The following SORCS2 variants were observed in gnomAD, a reference collection of about 807,000 sequenced individuals.
SORCS2 encodes VPS10 domain-containing receptor SorCS2.
Under a neutral mutation model 141.6 loss-of-function variants are expected in SORCS2, and 100 were observed. That is an observed-to-expected ratio of 0.71 (90% CI 0.60 to 0.83). SORCS2 has a LOEUF of 0.83. Ranked by LOEUF, SORCS2 falls within the 40% of genes least tolerant of loss-of-function variation. The pLI, the probability that SORCS2 is intolerant of heterozygous loss-of-function variation, is 0.00. For synonymous variants in SORCS2, 789 were observed against 676.9 expected, an observed-to-expected ratio of 1.17 and a Z score of -2.57; for missense variants, 1,646 against 1,560.2, an observed-to-expected ratio of 1.05 and a Z score of -0.93.
intron 1 of SORCS2, among the ~76,000 whole-genome samples, chr4:7,350,053 A>G (rs190832199): frequency 4.6e-5 from 7 of 152,234 alleles, no homozygotes. Flanking sequence ...GCCATGAACG[A>G]AAAGTAGTGT....
At chr4:7,314,800 GTTTTTTTTTTTTTTTTT>G (rs397880294) in intron 1 of SORCS2, among the ~76,000 whole-genome samples, 1 of 109,832 alleles carries the variant, frequency 9.1e-6, no homozygotes, top group African/African-American at 3.4e-5. Flanking sequence ...CCACTGTTCT[GTTTTTTTTTTTTTTTTT>G]TTTTTTTTTT....
chr4:7,357,331 A>G (rs1331447032), intron 1 of SORCS2, among the ~76,000 whole-genome samples: 2 of 152,204 alleles, frequency 1.3e-5, no homozygotes, highest in African/African-American at 4.8e-5. Flanking sequence ...GTGGTTCCTA[A>G]TCCCAGATGT....
intron 14 of SORCS2, 145 bp from the exon 15 acceptor site, chr4:7,712,588 G>A (rs1248764051): frequency 8.9e-6 from 11 of 1,233,334 alleles, no homozygotes; most frequent in South Asian, 5.7e-5. Flanking sequence ...GGGCAGCCTC[G>A]CTCTGATCTC....
At chr4:7,542,884 G>A (rs1361688641) in intron 3 of SORCS2, among the ~76,000 whole-genome samples, 3 of 152,174 alleles carry the variant, frequency 2.0e-5, no homozygotes, top group Non-Finnish European at 2.9e-5. Flanking sequence ...CTCCACCCAC[G>A]CTTCCTCTTC....
intron 2 of SORCS2, among the ~76,000 whole-genome samples, chr4:7,483,647 CCCA>C (rs1377193426): frequency 2.6e-5 from 4 of 152,070 alleles, no homozygotes; most frequent in African/African-American, 9.7e-5. Flanking sequence ...GCCAGCAATG[CCCA>C]CGTGTCTTCC....
chr4:7,462,754 G>A (rs146805416), intron 2 of SORCS2, among the ~76,000 whole-genome samples: 7 of 151,640 alleles, frequency 4.6e-5, no homozygotes, highest in African/African-American at 7.2e-5. Flanking sequence ...CCCTGTGCAC[G>A]GAAGAAGCCG....
chr4:7,239,838 G>T (rs144345483), intron 1 of SORCS2, among the ~76,000 whole-genome samples: 289 of 152,344 alleles, frequency 1.9e-3, no homozygotes, highest in African/African-American at 6.3e-3. Flanking sequence ...AAAAGCCCAA[G>T]AATTTGTCAA....
chr4:7,389,824 C>T (rs1341781816), intron 1 of SORCS2, among the ~76,000 whole-genome samples: 1 of 152,146 alleles, frequency 6.6e-6, no homozygotes, highest in Non-Finnish European at 1.5e-5. Context: ...GTTTGGAGTG[C>T]AGTCCGCGGT....
intron 1 of SORCS2, among the ~76,000 whole-genome samples, chr4:7,339,640 C>T (rs1441331097): frequency 1.3e-5 from 2 of 152,200 alleles, no homozygotes; most frequent in African/African-American, 4.8e-5. Flanking sequence ...ATATTGGGCT[C>T]ACCAAATGAC....
At chr4:7,540,119 TCCCTCCCTGCTATGAGGGCCCTGC>T (rs1253901648) in intron 3 of SORCS2, among the ~76,000 whole-genome samples, 1 of 27,926 alleles carries the variant, frequency 3.6e-5, no homozygotes, top group South Asian at 1.2e-3. Context: ...GGGGCCCCAC[TCCCTCCCTGCTATGAGGGCCCTGC>T]CCCTCCCCGC....
chr4:7,382,821 G>A (rs1308936513), intron 1 of SORCS2, among the ~76,000 whole-genome samples: 1 of 152,154 alleles, frequency 6.6e-6, no homozygotes, highest in Non-Finnish European at 1.5e-5. Flanking sequence ...GGTGTAAACA[G>A]CTGCGGGGCC....
rs775612109 is a variant in SORCS2 at position 7,392,740 on chromosome 4, G to T, written c.481-3548G>T. On this transcript the variant is annotated intron_variant, in intron 1 of 26. Transcript: ENST00000507866. ...TGCTTAGGAGGCAGGCATCACAGAG[G>T]GGGGAGGGCAGCAATGAAGTGCAAA... Among the ~76,000 whole-genome samples, 10 of 152,142 alleles carry T rather than the reference G, an allele frequency of 6.6e-5. No individual in the cohort carries two copies. In the South Asian group the frequency reaches 1.5e-3, roughly 22 times the overall value.
chr4:7,377,611 G>A (rs1400106867), intron 1 of SORCS2, among the ~76,000 whole-genome samples: 1 of 152,228 alleles, frequency 6.6e-6, no homozygotes, highest in Non-Finnish European at 1.5e-5. Flanking sequence ...AGTTGATGGA[G>A]ATGGCTCTGT....
chr4:7,413,465 C>G (rs945441232), intron 2 of SORCS2, among the ~76,000 whole-genome samples: 3 of 125,154 alleles, frequency 2.4e-5, no homozygotes, highest in African/African-American at 5.9e-5. Flanking sequence ...GTGATCTTGG[C>G]TCACTGCAAC....
At chr4:7,654,800 CA>C (rs1300665837) in intron 5 of SORCS2, among the ~76,000 whole-genome samples, 1 of 152,220 alleles carries the variant, frequency 6.6e-6, no homozygotes, top group African/African-American at 2.4e-5. Flanking sequence ...GACAAGCCCC[CA>C]CCCTGGCCTC....
At chr4:7,461,731 G>T (rs957470909) in intron 2 of SORCS2, among the ~76,000 whole-genome samples, 2 of 152,208 alleles carry the variant, frequency 1.3e-5, no homozygotes, top group Non-Finnish European at 2.9e-5. Flanking sequence ...CCAGAGGCTT[G>T]GACAGGGCGT....
chr4:7,698,209 T>C (rs992300060), intron 12 of SORCS2, among the ~76,000 whole-genome samples: 3 of 152,208 alleles, frequency 2.0e-5, no homozygotes, highest in African/African-American at 7.2e-5. Flanking sequence ...GTCTGCTTTA[T>C]ATACTGGGGA....
intron 3 of SORCS2, among the ~76,000 whole-genome samples, chr4:7,553,148 A>G (rs886892719): frequency 7.2e-5 from 11 of 152,052 alleles, no homozygotes; most frequent in African/African-American, 2.7e-4. Context: ...CTGGGCTGGG[A>G]GGGCAACAGA....
intron 10 of SORCS2, among the ~76,000 whole-genome samples, chr4:7,685,852 G>A (rs573437992): frequency 2.6e-5 from 4 of 152,058 alleles, no homozygotes; most frequent in African/African-American, 9.7e-5. Flanking sequence ...CTCAATGAAT[G>A]GGCAAACTGT....
Sources: allele counts gnomAD v4.1 joint callset (sites outside exome capture counted in the v4.1 genomes callset), GRCh38; gene constraint gnomAD v4.1.1; transcripts MANE v1.5; gene names NCBI Gene and HGNC (gene_info 2026-07-23, HGNC 2026-07-21).